Variants in POMT2 observed in about 807,000 individuals in gnomAD.
POMT2 encodes the protein protein O-mannosyl-transferase 2.
POMT2 carries 75 observed loss-of-function variants against 100.0 expected under a neutral mutation model. The ratio of observed to expected loss-of-function variants is 0.75; its 90% CI spans 0.62 to 0.91. POMT2 has a LOEUF of 0.91. POMT2 is among the 40% of genes least tolerant of loss of function. The probability of loss-of-function intolerance (pLI) is 0.00; values close to 1 mark genes in which losing one functional copy is unlikely to be tolerated. For missense variants in POMT2, 940 were observed against 955.1 expected (o/e 0.98, Z 0.21); for synonymous variants, 378 against 374.1 (o/e 1.01, Z -0.12).
chr14:77,283,706 TG>T, intron 15 of POMT2, 90 bp downstream of exon 15: 1 of 1,121,778 alleles, frequency 8.9e-7, no homozygotes, highest in Non-Finnish European at 1.4e-6. Flanking sequence ...CAAGGGGGAA[TG>T]GATCTGTAGC....
intron 19 of POMT2, 56 bp downstream of exon 19, chr14:77,278,673 A>G (rs1480860399): frequency 1.2e-6 from 2 of 1,608,420 alleles, no homozygotes; most frequent in Non-Finnish European, 1.7e-6. Flanking sequence ...CTGCTGCCCA[A>G]CAGTGGCCCG....
At position 77,277,083 on chromosome 14, in the gene POMT2, C is replaced by T. The variant is rs1464679223; in HGVS notation, c.*293G>A. The stretch of plus-strand genomic sequence containing the variant: ...TGGACAACATGCCCTCACATACACA[C>T]ACGCGCACCCACTCCCACCCTCTGG... On this transcript the variant is annotated 3_prime_UTR_variant, in exon 21 of 21. Transcript: ENST00000261534. 4.2e-6 allele frequency: 2 copies of T among 473,004 alleles called. No homozygotes were observed. The highest frequency in any genetic ancestry group is 7.8e-6 in the Non-Finnish European group (2 of 256,142). The allele number at this position is 473,004 out of a possible 1,614,324, so 29.3% of individuals were successfully genotyped here.
chr14:77,317,051 C>T (rs1267345514), intron 1 of POMT2, among the ~76,000 whole-genome samples: 1 of 152,162 alleles, frequency 6.6e-6, no homozygotes, highest in Non-Finnish European at 1.5e-5. Flanking sequence ...GCCATAGCCA[C>T]CTGGATTCAT....
chr14:77,309,745 C>T (rs1481879214), intron 2 of POMT2, among the ~76,000 whole-genome samples: 1 of 152,102 alleles, frequency 6.6e-6, no homozygotes, highest in African/African-American at 2.4e-5. Flanking sequence ...TGCAGTGGCA[C>T]GATCTCAGCT....
At chr14:77,310,635 TA>T (rs1277611981) in intron 2 of POMT2, among the ~76,000 whole-genome samples, 6 of 152,056 alleles carry the variant, frequency 3.9e-5, no homozygotes, top group Admixed American at 3.3e-4. Context: ...TGATCTTTGA[TA>T]AAAGATTACA....
intron 5 of POMT2, among the ~76,000 whole-genome samples, chr14:77,301,985 G>A (rs1566656700): frequency 1.3e-5 from 2 of 152,214 alleles, no homozygotes; most frequent in East Asian, 1.9e-4. Context: ...CCAGCTCCCC[G>A]CATAGTACCT....
At position 77,279,839 on chromosome 14, in the gene POMT2, C is replaced by A. The variant is rs1486213644; in HGVS notation, c.1875G>T (p.Leu625=). The A allele has an allele frequency of 6.2e-7, 1 of 1,613,608 alleles. No homozygotes were observed. Among genetic ancestry groups the A allele is most frequent in the Admixed American group, 1.7e-5 (1 of 59,992 alleles). ...GGACCTGACCTGCAACCTCCGCTGGCAGCCGTGCCCCTCTCTGCATGGCTA... is the reference window on the plus strand; with the variant it reads ...GGACCTGACCTGCAACCTCCGCTGGAAGCCGTGCCCCTCTCTGCATGGCTA... ...IAVAMQRGAR[L]PAEVAGLSQV... is the part of the protein sequence containing the mutation. Residue 625 remains leucine (L), a synonymous_variant, in exon 18 of 21, where the codon CTG becomes CTT. Coordinates refer to ENST00000261534, the MANE Select transcript of POMT2 (RefSeq NM_013382.7).
chr14:77,278,786 G>A lies in POMT2; in HGVS notation c.1975C>T (p.Arg659Trp), dbSNP rs372939905. The A allele has an allele frequency of 1.6e-5, 26 of 1,613,782 alleles. No individual in the cohort carries two copies. The highest frequency in any genetic ancestry group is 2.2e-5 in the East Asian group (1 of 44,900). ...LHYFPFFLMG[R>W]VLYFHHYFPA... is the part of the protein sequence containing the mutation. ...AAGTAGTGGTGGAAGTAGAGGACCCGGCCCATCAGGAAAAACGGGAAGTAA... is the reference window on the plus strand; with the variant it reads ...AAGTAGTGGTGGAAGTAGAGGACCCAGCCCATCAGGAAAAACGGGAAGTAA... Residue 659 changes from arginine to tryptophan, a missense_variant, in exon 19 of 21, where the codon CGG becomes TGG. Arg to Trp is a moderately radical substitution (Grantham distance 101, BLOSUM62 -3). Coordinates refer to ENST00000261534, the MANE Select transcript of POMT2 (RefSeq NM_013382.7).
rs150331338 is a variant in POMT2, at chr14:77,313,812, A to G, written c.249-1779T>C. 8.1e-3 allele frequency among the ~76,000 whole-genome samples: 1,236 copies of G among 152,184 alleles called. 10 individuals carry two copies. The highest frequency in any genetic ancestry group is 0.012 in the Non-Finnish European group (788 of 68,014). On this transcript the variant is annotated intron_variant, in intron 1 of 20. Transcript: ENST00000261534. ...ACTTTTCACCTCCCGGGTTCAAGCG[A>G]TTCTCCTGCCTCAGCCTTCCAAGTA...
At chr14:77,315,492 G>T (rs893321818) in intron 1 of POMT2, among the ~76,000 whole-genome samples, 1 of 152,200 alleles carries the variant, frequency 6.6e-6, no homozygotes. Context: ...GTAGGGAAGG[G>T]AAGTTAAAGT....
Position 77,276,260 on chromosome 14 carries a change from T to G in POMT2, c.*1116A>C, listed in dbSNP as rs1186988664. The G allele has an allele frequency of 6.6e-6, 1 of 152,578 alleles. No individual in the cohort carries two copies. Among genetic ancestry groups the G allele is most frequent in the Non-Finnish European group, 1.5e-5 (1 of 68,038 alleles). 9.5% of individuals were successfully genotyped at this position (152,578 alleles called of 1,614,324 possible). On this transcript the variant is annotated 3_prime_UTR_variant, in exon 21 of 21. Coordinates refer to ENST00000261534, the MANE Select transcript of POMT2 (RefSeq NM_013382.7). ...TAGACGCAGGAAGCTGGCATGCATT[T>G]CTAGGTGCCATGGGTCTTCACTGCT...
At chr14:77,299,999 G>A (rs998890413) in intron 6 of POMT2, 1 of 274,080 alleles carries the variant, frequency 3.6e-6, no homozygotes, top group South Asian at 4.0e-5. Flanking sequence ...TGGATTGCCT[G>A]GGACTGGCCG....
intron 9 of POMT2, among the ~76,000 whole-genome samples, chr14:77,294,462 C>T (rs1566652257): frequency 6.6e-6 from 1 of 152,230 alleles, no homozygotes; most frequent in Non-Finnish European, 1.5e-5. Flanking sequence ...GCTGGGATTA[C>T]TGGCACGTGC....
chr14:77,317,624 G>T (rs1891680181), intron 1 of POMT2, among the ~76,000 whole-genome samples: 1 of 152,220 alleles, frequency 6.6e-6, no homozygotes, highest in Admixed American at 6.5e-5. Flanking sequence ...CCTTACTGAA[G>T]CAGTTTGGTC....
At chr14:77,299,786 C>A (rs961452994) in intron 6 of POMT2, 1 of 493,920 alleles carries the variant, frequency 2.0e-6, no homozygotes, top group African/African-American at 1.9e-5. Flanking sequence ...TCTCCAGGCT[C>A]TACACCCAAA....
At chr14:77,315,201 G>C (rs2139528624) in intron 1 of POMT2, among the ~76,000 whole-genome samples, 1 of 152,264 alleles carries the variant, frequency 6.6e-6, no homozygotes, top group South Asian at 2.1e-4. Flanking sequence ...AGGACTGCAG[G>C]GACAGCCATA....
chr14:77,298,636 C>T, intron 8 of POMT2, 53 bp downstream of exon 8: 2 of 1,593,940 alleles, frequency 1.3e-6, no homozygotes, highest in East Asian at 2.2e-5. Context: ...TCCAATTCAA[C>T]TCCCAGGACA....
chr14:77,315,082 G>A (rs967268193), intron 1 of POMT2, among the ~76,000 whole-genome samples: 10 of 152,132 alleles, frequency 6.6e-5, no homozygotes, highest in Non-Finnish European at 1.3e-4. Context: ...GCCCCAGGGA[G>A]GAGAGGGGCA....
rs1891231239 is a variant in POMT2, at chr14:77,306,405, C to G, written c.370G>C (p.Asp124His). 1.9e-6 allele frequency: 3 copies of G among 1,612,980 alleles called. No individual in the cohort carries two copies. Among genetic ancestry groups the G allele is most frequent in the Non-Finnish European group, 2.5e-6 (3 of 1,179,164 alleles). ...GGCTTCTGGAACAAAAAGGTACCATCATATCCACTCAGGTAGCCAGCAAGA... is the reference window on the plus strand; with the variant it reads ...GGCTTCTGGAACAAAAAGGTACCATGATATCCACTCAGGTAGCCAGCAAGA... ...IGLAGYLSGY[D>H]GTFLFQKPGD... The change falls in exon 3 of 21, where the codon GAT (aspartate) becomes CAT (histidine). Residue 124 changes from aspartate to histidine, a missense_variant. Physicochemically the swap from Asp to His is moderately conservative, Grantham distance 81. Transcript: ENST00000261534.
Sources: allele counts gnomAD v4.1 joint callset (sites outside exome capture counted in the v4.1 genomes callset), GRCh38; gene constraint gnomAD v4.1.1; transcripts MANE v1.5; gene names NCBI Gene and HGNC (gene_info 2026-07-23, HGNC 2026-07-21).